The following UNK variants were observed in gnomAD, a reference collection of about 807,000 sequenced individuals.
UNK encodes the protein unk zinc finger.
A neutral mutation model predicts 97.6 loss-of-function variants in UNK; 32 were observed. That is an observed-to-expected ratio of 0.33 (90% CI 0.25 to 0.44). The LOEUF (loss-of-function observed/expected upper bound fraction) is 0.44, where lower values mean the gene tolerates loss of function less well. Ranked by LOEUF, UNK falls within the 20% of genes least tolerant of loss-of-function variation. The pLI is 1.00. For synonymous variants in UNK, 441 were observed against 461.2 expected (o/e 0.96, Z 0.56); for missense variants, 771 against 1,098.4 (o/e 0.70, Z 4.21).
intron 1 of UNK, chr17:75,793,994 C>T: frequency 1.0e-6 from 1 of 985,292 alleles, no homozygotes; most frequent in African/African-American, 1.7e-5. Context: ...GTCACTTTTA[C>T]TGTTAAGAGG....
At chr17:75,785,208 G>C in intron 1 of UNK, 1 of 505,772 alleles carries the variant, frequency 2.0e-6, no homozygotes, top group Non-Finnish European at 3.4e-6. Context: ...CGGCCGCCGA[G>C]TGGGGAAGGC....
rs1233123552 is a variant in UNK, at chr17:75,816,743, G to C, written c.962-27G>C. 6.3e-7 allele frequency: 1 copy of C among 1,583,054 alleles called. No homozygotes were observed. The highest frequency in any genetic ancestry group is 1.1e-5 in the South Asian group (1 of 89,678). ...GGAGGGACAGAGCTGGCTGGGGCCTGCTGACCCCTGCCCCTGACTCTTGCA... is the reference window on the plus strand; with the variant it reads ...GGAGGGACAGAGCTGGCTGGGGCCTCCTGACCCCTGCCCCTGACTCTTGCA... On this transcript the variant is annotated intron_variant, in intron 7 of 15. Coordinates refer to ENST00000589666, the MANE Select transcript of UNK (RefSeq NM_001080419.3). The surrounding 1 kb of genome is among the most constrained non-coding windows in gnomAD (Gnocchi z 4.0).
At chr17:75,821,962 C>T (rs1462676998) in intron 13 of UNK, 2 of 328,430 alleles carry the variant, frequency 6.1e-6, no homozygotes, top group African/African-American at 4.3e-5. Flanking sequence ...ATCCAGGGTC[C>T]TTGTCTGTAA....
chr17:75,796,223 G>T (rs957289206), intron 1 of UNK, among the ~76,000 whole-genome samples: 1 of 151,928 alleles, frequency 6.6e-6, no homozygotes, highest in Admixed American at 6.6e-5. Flanking sequence ...TGCTTTTTCT[G>T]CCAGAGAGAA....
At position 75,819,433 on chromosome 17, in the gene UNK, T is replaced by G; in HGVS notation, c.1547-251T>G. ...CCGAGGCAGGGACCCTGGATGGGGA[T>G]GTGATTTCTCCTGGAAGTATCAAAG... On this transcript the variant is annotated intron_variant, in intron 11 of 15. Coordinates refer to ENST00000589666, the MANE Select transcript of UNK (RefSeq NM_001080419.3). The surrounding 1 kb of genome is among the most constrained non-coding windows in gnomAD (Gnocchi z 5.4). 1.9e-6 allele frequency: 1 copy of G among 527,240 alleles called. No homozygotes were observed. 32.7% of individuals were successfully genotyped at this position (527,240 alleles called of 1,614,324 possible). A position where few individuals can be genotyped will look rare whatever the true frequency, so the allele number is the denominator to read the frequency against.
intron 14 of UNK, among the ~76,000 whole-genome samples, chr17:75,822,883 T>G (rs1463827686): frequency 6.6e-6 from 1 of 152,216 alleles, no homozygotes; most frequent in Non-Finnish European, 1.5e-5. Flanking sequence ...GTGAGCTGCT[T>G]GTAGTCTGTC....
chr17:75,787,063 A>G (rs1200298940), intron 1 of UNK, among the ~76,000 whole-genome samples: 1 of 152,174 alleles, frequency 6.6e-6, no homozygotes. Flanking sequence ...TCCAAAAATC[A>G]GAGATAGAAA....
chr17:75,790,421 A>C (rs1426561984), intron 1 of UNK, among the ~76,000 whole-genome samples: 1 of 152,168 alleles, frequency 6.6e-6, no homozygotes, highest in South Asian at 2.1e-4. Flanking sequence ...ACTTGAGCCC[A>C]GGAGTTCCAG....
In UNK at chr17:75,818,117, C is replaced by G; in HGVS notation, c.1320C>G (p.Pro440=). The change falls in exon 10 of 16, where the codon CCC becomes CCG. Residue 440 remains proline (P), a synonymous_variant. Transcript: ENST00000589666. The surrounding 1 kb of genome is among the most constrained non-coding windows in gnomAD (Gnocchi z 5.1). ...KNFKCQAKLK[P]HSLEPRSQEQ... ...TTCTCTCTCAGGCCAAATTAAAACC[C>G]CACTCATTAGAGCCCAGGAGTCAAG... 6.2e-7 allele frequency: 1 copy of G among 1,613,412 alleles called. No homozygotes were observed.
At chr17:75,800,013 G>A (rs925494368) in intron 1 of UNK, among the ~76,000 whole-genome samples, 6 of 151,494 alleles carry the variant, frequency 4.0e-5, no homozygotes, top group Admixed American at 1.3e-4. Context: ...TCAGCAAACC[G>A]GCTTGCATGC....
chr17:75,785,058 G>T, intron 1 of UNK, 74 bp downstream of exon 1: 1 of 1,142,006 alleles, frequency 8.8e-7, no homozygotes, highest in Non-Finnish European at 1.2e-6. Context: ...ACGCGCGCAG[G>T]GAGAGCGCGA....
intron 6 of UNK, among the ~76,000 whole-genome samples, chr17:75,814,355 G>A (rs1160318138): frequency 6.6e-6 from 1 of 151,986 alleles, no homozygotes; most frequent in Non-Finnish European, 1.5e-5. Context: ...AGCCAGATTT[G>A]GTGGTGAGCG....
chr17:75,805,784 C>T (rs984018219), intron 1 of UNK, among the ~76,000 whole-genome samples: 13 of 149,410 alleles, frequency 8.7e-5, no homozygotes, highest in Non-Finnish European at 1.8e-4. Flanking sequence ...GGCAACAGAG[C>T]GAGCCCCTGC....
At chr17:75,813,581 G>A (rs2061989822) in intron 5 of UNK, among the ~76,000 whole-genome samples, 180 bp from the exon 6 acceptor site, 1 of 152,216 alleles carries the variant, frequency 6.6e-6, no homozygotes, top group South Asian at 2.1e-4. Flanking sequence ...CCTTTGTGGT[G>A]ATTCGGCCAG....
intron 1 of UNK, chr17:75,785,298 T>G: frequency 2.2e-5 from 6 of 277,796 alleles, no homozygotes; most frequent in East Asian, 1.8e-4. Flanking sequence ...AAAACCACAG[T>G]AGTAGGCTCC....
chr17:75,802,985 G>T (rs1157153749), intron 1 of UNK, among the ~76,000 whole-genome samples: 2 of 95,624 alleles, frequency 2.1e-5, no homozygotes, highest in African/African-American at 2.2e-4. Context: ...ATTACAGGCC[G>T]GACGCGGTGG....
Position 75,818,875 on chromosome 17 carries a change from A to C in UNK, c.1546+59A>C, listed in dbSNP as rs1418380947. ...CTGGGTCTGGGGTCAGAGACCCCCC[A>C]GTCTCTGAAGCGAGTCTCAAATCAG... On this transcript the variant is annotated intron_variant, in intron 11 of 15. Transcript: ENST00000589666. The surrounding 1 kb of genome is among the most constrained non-coding windows in gnomAD (Gnocchi z 5.1). 1 of 1,464,476 alleles carries C rather than the reference A, an allele frequency of 6.8e-7. No homozygotes were observed. Among genetic ancestry groups the C allele is most frequent in the Non-Finnish European group, 9.1e-7 (1 of 1,101,674 alleles). 90.7% of individuals were successfully genotyped at this position (1,464,476 alleles called of 1,614,324 possible).
intron 1 of UNK, among the ~76,000 whole-genome samples, chr17:75,802,856 A>C (rs1161966589): frequency 6.6e-6 from 1 of 152,156 alleles, no homozygotes; most frequent in Non-Finnish European, 1.5e-5. Flanking sequence ...GCCGGGCACC[A>C]TGGCCCACAC....
chr17:75,803,703 A>G (rs1185169211), intron 1 of UNK, among the ~76,000 whole-genome samples: 1 of 152,306 alleles, frequency 6.6e-6, no homozygotes, highest in East Asian at 1.9e-4. Context: ...CATCAGTTCC[A>G]TAAGTTTTTG....
Sources: allele counts gnomAD v4.1 joint callset (sites outside exome capture counted in the v4.1 genomes callset), GRCh38; gene constraint gnomAD v4.1.1; non-coding constraint Gnocchi (gnomAD v3.1); transcripts MANE v1.5; gene names NCBI Gene and HGNC (gene_info 2026-07-23, HGNC 2026-07-21).